The following CLK1 variants were observed in gnomAD, a reference collection of about 807,000 sequenced individuals.
CLK1 encodes dual specificity protein kinase CLK1.
In CLK1, 40 loss-of-function variants were observed where a neutral mutation model predicts 60.9. The observed-to-expected ratio is 0.66, with a 90% CI of 0.51 to 0.86. The LOEUF (loss-of-function observed/expected upper bound fraction) is 0.86. Among genes scored for constraint, CLK1 ranks in the 40% least tolerant of loss-of-function variants. The pLI, the probability that CLK1 is intolerant of heterozygous loss-of-function variation, is 0.00. For synonymous variants in CLK1, 203 were observed against 184.4 expected, an observed-to-expected ratio of 1.10 and a Z score of -0.82; for missense variants, 563 against 606.1, an observed-to-expected ratio of 0.93 and a Z score of 0.75.
chr2:200,854,987 AG>A lies in CLK1; in HGVS notation c.1140+16del, dbSNP rs777090158. The A allele has an allele frequency of 1.3e-6, 2 of 1,589,188 alleles. No homozygotes were observed. Among genetic ancestry groups the A allele is most frequent in the Non-Finnish European group, 1.7e-6 (2 of 1,164,992 alleles). On this transcript the variant is annotated intron_variant, in intron 10 of 12. Transcript: ENST00000321356. ...TTCTTGTGCAAAGCAAGGTTGAAAT[AG>A]ATCATTGTCACTTACTGGAAATACG...
rs1480083074 is a variant in CLK1 at position 200,857,139 on chromosome 2, C to T, written c.833-154G>A. On this transcript the variant is annotated intron_variant, in intron 7 of 12. Coordinates refer to ENST00000321356, the MANE Select transcript of CLK1 (RefSeq NM_004071.4). ...TGACCAATATGGTGAAACCCTGTCT[C>T]TACCAAAATTACAAAAATTGGCCGG... 1.8e-5 allele frequency: 11 copies of T among 626,588 alleles called. No homozygotes were observed. The Admixed American group carries it at 3.2e-4, about 18-fold the overall frequency. 38.8% of individuals were successfully genotyped at this position (626,588 alleles called of 1,614,324 possible).
chr2:200,859,534 T>C (rs906235803), intron 5 of CLK1, 146 bp downstream of exon 5: 24 of 550,282 alleles, frequency 4.4e-5, no homozygotes, highest in African/African-American at 3.1e-4. Flanking sequence ...AAGGGGCAAG[T>C]ACCTCTTAAC....
intron 3 of CLK1, chr2:200,860,877 A>ATGCCCTG: frequency 9.4e-7 from 1 of 1,065,748 alleles, no homozygotes; most frequent in Non-Finnish European, 1.1e-6. Context: ...CAAAAATAAA[A>ATGCCCTG]TGCCCTGTTC....
Position 200,857,720 on chromosome 2 carries a change from T to C in CLK1, c.830A>G (p.Asn277Ser), listed in dbSNP as rs747632604. 6.3e-7 allele frequency: 1 copy of C among 1,585,336 alleles called. No homozygotes were observed. The highest frequency in any genetic ancestry group is 1.2e-5 in the South Asian group (1 of 86,430). ...ACGAAGATATACCAAGAACTTACAA[T>C]TCACAGACTTGCATATCTGATATGC... The part of the protein sequence containing the change: ...KMAYQICKSV[N>S]FLHSNKLTHT... Residue 277 changes from asparagine to serine, a missense_variant and splice_region_variant, in exon 7 of 13, where the codon AAT becomes AGT. By Grantham distance (46) the Asn-to-Ser change is conservative (BLOSUM62 1). Transcript: ENST00000321356.
At chr2:200,857,173 G>A (rs1265410364) in intron 7 of CLK1, 188 bp from the exon 8 acceptor site, 5 of 575,720 alleles carry the variant, frequency 8.7e-6, no homozygotes, top group Non-Finnish European at 1.6e-5. Context: ...GGGTGTGGTG[G>A]CGTGTGCCTG....
chr2:200,860,379 G>T lies in CLK1; in HGVS notation c.391-164C>A. 3.6e-6 allele frequency: 5 copies of T among 1,403,446 alleles called. No homozygotes were observed. In the South Asian group the frequency reaches 6.6e-5, roughly 18 times the overall value. The allele number at this position is 1,403,446 out of a possible 1,614,324, so 86.9% of individuals were successfully genotyped here. ...GGAGCAATTTCAAATTCAGTCCCCA[G>T]AAATTCACAGGGCACATAGTTTATG... is the stretch of plus-strand genomic sequence containing the variant. On this transcript the variant is annotated intron_variant, in intron 3 of 12. Coordinates refer to ENST00000321356, the MANE Select transcript of CLK1 (RefSeq NM_004071.4).
Position 200,854,985 on chromosome 2 carries a change from A to G in CLK1, c.1140+19T>C. On this transcript the variant is annotated intron_variant, in intron 10 of 12. Coordinates refer to ENST00000321356, the MANE Select transcript of CLK1 (RefSeq NM_004071.4). ...CTTTCTTGTGCAAAGCAAGGTTGAA[A>G]TAGATCATTGTCACTTACTGGAAAT... The G allele has an allele frequency of 1.3e-6, 2 of 1,588,298 alleles. No homozygotes were observed. The highest frequency in any genetic ancestry group is 1.1e-5 in the South Asian group (1 of 87,360).
chr2:200,860,804 T>C, intron 3 of CLK1: 1 of 1,027,868 alleles, frequency 9.7e-7, no homozygotes, highest in African/African-American at 1.7e-5. Context: ...GTTTGCTTAG[T>C]GAAAGAAGGG....
intron 2 of CLK1, 91 bp from the exon 3 acceptor site, chr2:200,861,557 C>A: frequency 6.4e-7 from 1 of 1,560,160 alleles, no homozygotes; most frequent in Non-Finnish European, 8.6e-7. Context: ...CCCCCACAAG[C>A]AGCTTAATTT....
At chr2:200,862,089 A>C (rs1420708067) in intron 1 of CLK1, among the ~76,000 whole-genome samples, 1 of 146,938 alleles carries the variant, frequency 6.8e-6, no homozygotes, top group Non-Finnish European at 1.5e-5. Context: ...GCCCAGATTT[A>C]TTGGAAGAAT....
At chr2:200,854,933 A>G in intron 10 of CLK1, 71 bp downstream of exon 10, 2 of 1,163,608 alleles carry the variant, frequency 1.7e-6, no homozygotes, top group African/African-American at 1.5e-5. Flanking sequence ...GGGGGAAGCA[A>G]AAGTATTTAT....
At chr2:200,863,273 A>G (rs2039171014) in intron 1 of CLK1, 1 of 152,104 alleles carries the variant, frequency 6.6e-6, no homozygotes, top group Admixed American at 6.5e-5. Flanking sequence ...AAGCCCTCCA[A>G]TTGGGTCGGG....
intron 5 of CLK1, among the ~76,000 whole-genome samples, chr2:200,858,469 A>G (rs1246857291): frequency 3.3e-5 from 5 of 151,804 alleles, no homozygotes; most frequent in African/African-American, 1.2e-4. Flanking sequence ...GGCCGAGGGT[A>G]GTAAATCACT....
intron 3 of CLK1, 161 bp downstream of exon 3, chr2:200,861,077 C>T (rs2039129380): frequency 2.1e-6 from 3 of 1,421,276 alleles, no homozygotes; most frequent in South Asian, 3.2e-5. Flanking sequence ...ACTTTATTTC[C>T]GGAATTTCCT....
chr2:200,860,659 C>T (rs1281310111), intron 3 of CLK1: 3 of 996,006 alleles, frequency 3.0e-6, no homozygotes, highest in Non-Finnish European at 1.2e-6. Context: ...AATATTATAA[C>T]AGTAAATAAA....
At chr2:200,854,910 AAT>A in intron 10 of CLK1, 92 bp downstream of exon 10, 1 of 918,518 alleles carries the variant, frequency 1.1e-6, no homozygotes. Context: ...ATCTACAATT[AAT>A]AGTCTATAAT....
At chr2:200,855,180 A>C (rs1328787864) in intron 9 of CLK1, 94 bp from the exon 10 acceptor site, 5 of 931,754 alleles carry the variant, frequency 5.4e-6, no homozygotes, top group South Asian at 1.6e-5. Context: ...AAAAAAAAAA[A>C]CACATGTAAT....
intron 5 of CLK1, among the ~76,000 whole-genome samples, chr2:200,858,975 G>A (rs1677451924): frequency 6.6e-6 from 1 of 152,092 alleles, no homozygotes; most frequent in Non-Finnish European, 1.5e-5. Context: ...AGGAGTTCGA[G>A]ACCAGCCTGG....
At chr2:200,859,875 T>A in intron 4 of CLK1, 129 bp from the exon 5 acceptor site, 1 of 1,462,546 alleles carries the variant, frequency 6.8e-7, no homozygotes, top group Non-Finnish European at 9.0e-7. Context: ...ATTTTATTGG[T>A]CAACACCATC....
Sources: allele counts gnomAD v4.1 joint callset (sites outside exome capture counted in the v4.1 genomes callset), GRCh38; gene constraint gnomAD v4.1.1; transcripts MANE v1.5; gene names NCBI Gene and HGNC (gene_info 2026-07-23, HGNC 2026-07-21).